GORASP2: variants seen among roughly 807,000 people sequenced by gnomAD.
GORASP2 encodes golgi reassembly stacking protein 2, also known as Golgi reassembly-stacking protein 2.
In GORASP2, 22 loss-of-function variants were observed where a neutral mutation model predicts 45.7. That is an observed-to-expected ratio of 0.48 (90% CI 0.34 to 0.69). The LOEUF (loss-of-function observed/expected upper bound fraction) is 0.69. GORASP2 is among the 30% of genes least tolerant of loss of function. The pLI, the probability that GORASP2 is intolerant of heterozygous loss-of-function variation, is 0.01. For synonymous variants in GORASP2, 221 were observed against 215.6 expected (o/e 1.02, Z -0.22); for missense variants, 491 against 562.7 (o/e 0.87, Z 1.29).
At chr2:170,964,355 T>C (rs1704639985) in intron 9 of GORASP2, among the ~76,000 whole-genome samples, 2 of 152,204 alleles carry the variant, frequency 1.3e-5, no homozygotes, top group Admixed American at 1.3e-4. Context: ...GCCAAAGGTT[T>C]AAAAATGAAG....
rs1352163949 is a variant in GORASP2, at chr2:170,929,423, C to T, written c.63+20C>T. 6 of 1,364,616 alleles carry T rather than the reference C, an allele frequency of 4.4e-6. No individual in the cohort carries two copies. The highest frequency in any genetic ancestry group is 5.7e-6 in the Non-Finnish European group (6 of 1,057,156). 84.5% of individuals were successfully genotyped at this position (1,364,616 alleles called of 1,614,324 possible). Reference sequence around the variant, plus strand: ...CTGCGGGTAAGGGCTCCGACGGCGGCCGGGGAGCTGCGGGCTGGAGGCGGG... The same window carrying T: ...CTGCGGGTAAGGGCTCCGACGGCGGTCGGGGAGCTGCGGGCTGGAGGCGGG... On this transcript the variant is annotated intron_variant, in intron 1 of 9. Coordinates refer to ENST00000234160, the MANE Select transcript of GORASP2 (RefSeq NM_015530.5).
chr2:170,929,056 G>C (rs957286418), upstream of GORASP2: 6 of 353,312 alleles, frequency 1.7e-5, no homozygotes, highest in African/African-American at 1.3e-4. Flanking sequence ...GTTCTCTCGC[G>C]AGCACGACGC....
chr2:170,932,083 C>T (rs1296348592), intron 1 of GORASP2, among the ~76,000 whole-genome samples: 10 of 152,122 alleles, frequency 6.6e-5, no homozygotes, highest in Non-Finnish European at 1.3e-4. Flanking sequence ...AAAAATTAGC[C>T]GGGCATGGTA....
At chr2:170,936,668 C>T (rs866601737) in intron 1 of GORASP2, 1 of 1,297,086 alleles carries the variant, frequency 7.7e-7, no homozygotes, top group African/African-American at 1.5e-5. Context: ...AATAAGGAAG[C>T]TTAAGCCGGG....
chr2:170,951,607 A>G, intron 5 of GORASP2, 149 bp downstream of exon 5: 1 of 613,718 alleles, frequency 1.6e-6, no homozygotes, highest in Non-Finnish European at 2.7e-6. Flanking sequence ...TAGAATATTG[A>G]AACCAATTTT....
rs1704670951 is a variant in GORASP2 at position 170,965,783 on chromosome 2, G to C, written c.1019-7G>C. 6.2e-7 allele frequency: 1 copy of C among 1,605,174 alleles called. No individual in the cohort carries two copies. The highest frequency in any genetic ancestry group is 2.2e-5 in the East Asian group (1 of 44,838). The stretch of plus-strand genomic sequence containing the variant: ...AGGATGTATGATCTATGCCGTTTTT[G>C]TCCTAGGTCTGCCACCTCTTCCTTC... On this transcript the variant is annotated splice_region_variant and splice_polypyrimidine_tract_variant and intron_variant, in intron 9 of 9. Transcript: ENST00000234160.
At chr2:170,960,899 C>CA (rs1250567277) in intron 7 of GORASP2, among the ~76,000 whole-genome samples, 1 of 152,148 alleles carries the variant, frequency 6.6e-6, no homozygotes, top group Admixed American at 6.5e-5. Flanking sequence ...ATCTGTAAGA[C>CA]AAAATCTGGA....
intron 7 of GORASP2, among the ~76,000 whole-genome samples, chr2:170,960,315 A>G (rs541384431): frequency 2.0e-5 from 3 of 151,976 alleles, no homozygotes; most frequent in East Asian, 3.9e-4. Context: ...TATCCATTCA[A>G]CTCCATTGAG....
intron 1 of GORASP2, 161 bp downstream of exon 1, chr2:170,929,564 C>T (rs1404908009): frequency 1.6e-6 from 1 of 606,486 alleles, no homozygotes; most frequent in African/African-American, 2.0e-5. Context: ...TTCCGGAGGC[C>T]GCTCGCATCC....
intron 4 of GORASP2, among the ~76,000 whole-genome samples, 173 bp downstream of exon 4, chr2:170,950,463 G>T (rs1218816494): frequency 6.6e-6 from 1 of 152,144 alleles, no homozygotes; most frequent in East Asian, 1.9e-4. Context: ...TGTCTTATTA[G>T]GTATAGCTGT....
At chr2:170,940,738 C>CA (rs1704056651) in intron 1 of GORASP2, among the ~76,000 whole-genome samples, 1 of 151,236 alleles carries the variant, frequency 6.6e-6, no homozygotes. Context: ...TAGCTCAAGC[C>CA]AAAAAATGTA....
chr2:170,944,375 A>G (rs540090259), intron 1 of GORASP2, among the ~76,000 whole-genome samples: 1 of 152,312 alleles, frequency 6.6e-6, no homozygotes, highest in East Asian at 1.9e-4. Flanking sequence ...TAAGATACCT[A>G]CCTATGTAAT....
At chr2:170,951,205 G>T in intron 4 of GORASP2, 123 bp from the exon 5 acceptor site, 2 of 667,030 alleles carry the variant, frequency 3.0e-6, no homozygotes, top group Non-Finnish European at 5.0e-6. Flanking sequence ...TTTATGTCTG[G>T]GGCAGGGCCC....
intron 7 of GORASP2, among the ~76,000 whole-genome samples, chr2:170,961,276 C>G (rs1243571738): frequency 1.3e-5 from 2 of 152,226 alleles, no homozygotes; most frequent in African/African-American, 4.8e-5. Context: ...CCTGCAACCC[C>G]TGGCTTACGT....
At chr2:170,956,614 A>C (rs1704433280) in intron 7 of GORASP2, 55 bp downstream of exon 7, 1 of 1,489,036 alleles carries the variant, frequency 6.7e-7, no homozygotes. Context: ...ATTATTGCAT[A>C]GAATTTTAAA....
intron 6 of GORASP2, 138 bp downstream of exon 6, chr2:170,954,920 G>T: frequency 1.6e-6 from 1 of 643,264 alleles, no homozygotes; most frequent in Non-Finnish European, 2.6e-6. Flanking sequence ...TACATTTGAG[G>T]TTCCTGTAAA....
At chr2:170,956,339 C>G in intron 6 of GORASP2, 97 bp from the exon 7 acceptor site, 3 of 1,096,716 alleles carry the variant, frequency 2.7e-6, no homozygotes, top group Admixed American at 5.0e-5. Flanking sequence ...CATGTGTGAA[C>G]CAAATATCTA....
In GORASP2 at chr2:170,962,971, A is replaced by T. The variant is rs1371806669; in HGVS notation, c.1018+25A>T. On this transcript the variant is annotated intron_variant, in intron 9 of 9. Transcript: ENST00000234160. ...GGTATGTTGCAGATCTCACCCTCCTAGGACTCTCTCTAATAAAAGTTTTAT... is the reference window on the plus strand; with the variant it reads ...GGTATGTTGCAGATCTCACCCTCCTTGGACTCTCTCTAATAAAAGTTTTAT... The T allele has an allele frequency of 2.8e-6, 4 of 1,451,114 alleles. No homozygotes were observed. The South Asian group carries it at 4.6e-5, about 17-fold the overall frequency. 89.9% of individuals were successfully genotyped at this position (1,451,114 alleles called of 1,614,324 possible). A position where few individuals can be genotyped will look rare whatever the true frequency, so the allele number is the denominator to read the frequency against.
intron 7 of GORASP2, among the ~76,000 whole-genome samples, chr2:170,959,827 T>C (rs1370225604): frequency 6.8e-6 from 1 of 148,030 alleles, no homozygotes; most frequent in East Asian, 2.0e-4. Context: ...TTTTCTTTTT[T>C]TTTTTTTTTT....
Sources: allele counts gnomAD v4.1 joint callset (sites outside exome capture counted in the v4.1 genomes callset), GRCh38; gene constraint gnomAD v4.1.1; transcripts MANE v1.5; gene names NCBI Gene and HGNC (gene_info 2026-07-23, HGNC 2026-07-21).